The following CTDSPL variants were observed in gnomAD, a reference collection of about 807,000 sequenced individuals.
The protein encoded by CTDSPL is CTD small phosphatase-like protein.
In CTDSPL, 8 loss-of-function variants were observed where a neutral mutation model predicts 30.5. The ratio of observed to expected loss-of-function variants is 0.26; its 90% CI spans 0.15 to 0.47. The LOEUF (loss-of-function observed/expected upper bound fraction) is 0.47, where lower values mean the gene tolerates loss of function less well. CTDSPL is among the 20% of genes least tolerant of loss of function. CTDSPL has a pLI of 0.99. For synonymous variants in CTDSPL, 110 were observed against 137.9 expected, an observed-to-expected ratio of 0.80 and a Z score of 1.42; for missense variants, 248 against 366.1, an observed-to-expected ratio of 0.68 and a Z score of 2.63.
At chr3:37,911,101 C>G (rs1698577949) in intron 1 of CTDSPL, among the ~76,000 whole-genome samples, 1 of 152,218 alleles carries the variant, frequency 6.6e-6, no homozygotes, top group African/African-American at 2.4e-5. Flanking sequence ...AGAGTGTGCA[C>G]ATGCGGTCAT....
At chr3:37,936,707 T>C (rs1249788876) in intron 1 of CTDSPL, among the ~76,000 whole-genome samples, 1 of 150,992 alleles carries the variant, frequency 6.6e-6, no homozygotes, top group Non-Finnish European at 1.5e-5. Context: ...CGTAATAATG[T>C]AGTTGTGAAT....
intron 1 of CTDSPL, among the ~76,000 whole-genome samples, chr3:37,881,787 T>C (rs1698207759): frequency 6.6e-6 from 1 of 152,196 alleles, no homozygotes. Context: ...AAAAAATGTT[T>C]ACGCATGGTG....
rs1182230005 is a variant in CTDSPL, at chr3:37,983,055, C to A, written c.*2188C>A. 1 of 181,392 alleles carries A rather than the reference C, an allele frequency of 5.5e-6. No individual in the cohort carries two copies. Among genetic ancestry groups the A allele is most frequent in the Non-Finnish European group, 1.2e-5 (1 of 84,636 alleles). The allele number at this position is 181,392 out of a possible 1,614,324, so 11.2% of individuals were successfully genotyped here. A position where few individuals can be genotyped will look rare whatever the true frequency, so the allele number is the denominator to read the frequency against. The stretch of plus-strand genomic sequence containing the variant: ...CGATGGAGTGAAGACACTTGGCAGA[C>A]TTGAGCCAGACACTTCACCTAGTAG... On this transcript the variant is annotated 3_prime_UTR_variant, in exon 8 of 8. Transcript: ENST00000273179.
At chr3:37,963,570 AAATT>A (rs1246981070) in intron 3 of CTDSPL, among the ~76,000 whole-genome samples, 2 of 152,238 alleles carry the variant, frequency 1.3e-5, no homozygotes, top group African/African-American at 2.4e-5. Flanking sequence ...GCAGGTCAGA[AAATT>A]AATTAGTTAA....
At chr3:37,898,029 A>G (rs1698407586) in intron 1 of CTDSPL, among the ~76,000 whole-genome samples, 2 of 152,232 alleles carry the variant, frequency 1.3e-5, no homozygotes, top group South Asian at 4.1e-4. Context: ...CCTCATAAAA[A>G]GCATTTGAAC....
chr3:37,893,100 A>G (rs1057394764), intron 1 of CTDSPL, among the ~76,000 whole-genome samples: 9 of 152,210 alleles, frequency 5.9e-5, no homozygotes, highest in Admixed American at 3.3e-4. Context: ...CCAACCGTGG[A>G]GTGGACTTCC....
intron 1 of CTDSPL, among the ~76,000 whole-genome samples, chr3:37,904,564 C>T (rs570507637): frequency 1.1e-4 from 16 of 152,248 alleles, no homozygotes; most frequent in Non-Finnish European, 2.1e-4. Context: ...TAGCCCACCC[C>T]GGGCTCCCAA....
Position 37,862,322 on chromosome 3 carries a change from AC to A in CTDSPL, c.79+48del. 1 of 1,403,118 alleles carries A rather than the reference AC, an allele frequency of 7.1e-7. No homozygotes were observed. The allele number at this position is 1,403,118 out of a possible 1,614,324, so 86.9% of individuals were successfully genotyped here. Reference sequence around the variant, plus strand: ...GGCCGCGGGCTGGGGGCGAGCGCACACCCCGCGCCGCTGGAGTTCACTGCCG... The same window carrying A: ...GGCCGCGGGCTGGGGGCGAGCGCACACCCGCGCCGCTGGAGTTCACTGCCG... On this transcript the variant is annotated intron_variant, in intron 1 of 7. Coordinates refer to ENST00000273179, the MANE Select transcript of CTDSPL (RefSeq NM_001008392.2). The surrounding 1 kb of genome is among the most constrained non-coding windows in gnomAD (Gnocchi z 4.3).
At chr3:37,943,570 T>C (rs1344291607) in intron 1 of CTDSPL, among the ~76,000 whole-genome samples, 1 of 150,474 alleles carries the variant, frequency 6.6e-6, no homozygotes, top group Non-Finnish European at 1.5e-5. Flanking sequence ...TCATAGTTGC[T>C]ACTCCCTCCT....
intron 1 of CTDSPL, among the ~76,000 whole-genome samples, chr3:37,867,661 T>C (rs1430266869): frequency 1.2e-4 from 19 of 152,194 alleles, no homozygotes; most frequent in Admixed American, 1.2e-3. Context: ...TTTGAAATAA[T>C]TATAGACTCG....
chr3:37,889,732 A>G (rs1240611939), intron 1 of CTDSPL, among the ~76,000 whole-genome samples: 1 of 152,234 alleles, frequency 6.6e-6, no homozygotes, highest in East Asian at 1.9e-4. Context: ...AATGCCAGAA[A>G]TAATCATAAA....
chr3:37,969,516 C>G (rs1433388426), intron 5 of CTDSPL: 4 of 449,562 alleles, frequency 8.9e-6, no homozygotes, highest in African/African-American at 2.0e-5. Context: ...CAGGACCCCC[C>G]TCTCTGCCAG....
chr3:37,910,616 A>G lies in CTDSPL; in HGVS notation c.80-36441A>G, dbSNP rs376239641. On this transcript the variant is annotated intron_variant, in intron 1 of 7. Coordinates refer to ENST00000273179, the MANE Select transcript of CTDSPL (RefSeq NM_001008392.2). ...TCATTAGAAGTAGACAGTATTTATG[A>G]ATAATCTGCATGGAGTGTATATTTA... is the stretch of plus-strand genomic sequence containing the variant. Among the ~76,000 whole-genome samples the G allele has an allele frequency of 1.2e-3, 184 of 152,374 alleles. 1 individual carries two copies. The highest frequency in any genetic ancestry group is 4.2e-3 in the African/African-American group (176 of 41,592).
chr3:37,936,200 G>A (rs1698913314), intron 1 of CTDSPL, among the ~76,000 whole-genome samples: 1 of 152,112 alleles, frequency 6.6e-6, no homozygotes, highest in Non-Finnish European at 1.5e-5. Context: ...TACTGCAGTG[G>A]GAAAATGAGC....
intron 1 of CTDSPL, among the ~76,000 whole-genome samples, chr3:37,943,357 G>A (rs1298031261): frequency 6.7e-6 from 1 of 149,950 alleles, no homozygotes; most frequent in East Asian, 2.0e-4. Context: ...ATGGGGGGAG[G>A]AGGAGTGGGA....
At chr3:37,928,543 A>G (rs1327436495) in intron 1 of CTDSPL, among the ~76,000 whole-genome samples, 3 of 152,160 alleles carry the variant, frequency 2.0e-5, no homozygotes, top group South Asian at 2.1e-4. Flanking sequence ...AGAAATATCT[A>G]TGCCAGTCCT....
At chr3:37,934,774 A>G (rs1402703559) in intron 1 of CTDSPL, among the ~76,000 whole-genome samples, 2 of 152,216 alleles carry the variant, frequency 1.3e-5, no homozygotes, top group Non-Finnish European at 2.9e-5. Context: ...TGGAAGGATA[A>G]CAGGAGCTAT....
At chr3:37,909,964 TG>T (rs1698563121) in intron 1 of CTDSPL, among the ~76,000 whole-genome samples, 1 of 152,256 alleles carries the variant, frequency 6.6e-6, no homozygotes, top group East Asian at 1.9e-4. Context: ...ACATGATCAC[TG>T]GGGCCAGACT....
intron 1 of CTDSPL, among the ~76,000 whole-genome samples, chr3:37,869,526 A>G (rs909203032): frequency 1.8e-4 from 28 of 152,100 alleles, no homozygotes; most frequent in African/African-American, 6.3e-4. Flanking sequence ...GATTCCCTGA[A>G]GTCCTTCACA....
Sources: allele counts gnomAD v4.1 joint callset (sites outside exome capture counted in the v4.1 genomes callset), GRCh38; gene constraint gnomAD v4.1.1; non-coding constraint Gnocchi (gnomAD v3.1); transcripts MANE v1.5; gene names NCBI Gene and HGNC (gene_info 2026-07-23, HGNC 2026-07-21).